Variants in SCHIP1 observed in about 807,000 individuals in gnomAD.
SCHIP1 encodes the protein schwannomin interacting protein 1, also known as schwannomin-interacting protein 1.
A neutral mutation model predicts 29.7 loss-of-function variants in SCHIP1; 8 were observed. The observed-to-expected ratio is 0.27, with a 90% CI of 0.16 to 0.49. The LOEUF (loss-of-function observed/expected upper bound fraction) is 0.49, where lower values mean the gene tolerates loss of function less well. Ranked by LOEUF, SCHIP1 falls within the 20% of genes least tolerant of loss-of-function variation. The pLI is 0.99. For synonymous variants in SCHIP1, 76 were observed against 94.9 expected (o/e 0.80, Z 1.16); for missense variants, 193 against 294.6 (o/e 0.66, Z 2.52).
chr3:159,594,249 T>C, the SCHIP1 span, among the ~76,000 whole-genome samples: 1 of 152,226 alleles, frequency 6.6e-6, no homozygotes, highest in African/African-American at 2.4e-5. Flanking sequence ...AGGCCAGCAT[T>C]GATGGCTGGG....
At chr3:159,375,503 G>A in the SCHIP1 span, among the ~76,000 whole-genome samples, 6 of 152,208 alleles carry the variant, frequency 3.9e-5, no homozygotes, top group African/African-American at 1.2e-4. Flanking sequence ...TTGGGAGGCC[G>A]AGGCAGGTGG....
chr3:159,505,170 A>T, the SCHIP1 span, among the ~76,000 whole-genome samples: 1 of 152,194 alleles, frequency 6.6e-6, no homozygotes, highest in Non-Finnish European at 1.5e-5. Flanking sequence ...CTGGTCATAA[A>T]GTTTCCTGTG....
At chr3:159,661,381 C>A in the SCHIP1 span, among the ~76,000 whole-genome samples, 3 of 152,128 alleles carry the variant, frequency 2.0e-5, no homozygotes, top group African/African-American at 7.2e-5. Flanking sequence ...ATGTATAGAC[C>A]ATTCCCAAAT....
the SCHIP1 span, among the ~76,000 whole-genome samples, chr3:159,718,121 G>C: frequency 6.6e-6 from 1 of 152,096 alleles, no homozygotes; most frequent in Non-Finnish European, 1.5e-5. Context: ...CAGAACCAAA[G>C]ACAAAAACCA....
At chr3:159,632,519 G>A in the SCHIP1 span, among the ~76,000 whole-genome samples, 1 of 152,168 alleles carries the variant, frequency 6.6e-6, no homozygotes, top group Admixed American at 6.5e-5. Context: ...GGGAAAGGAG[G>A]GAAGCTAATT....
the SCHIP1 span, among the ~76,000 whole-genome samples, chr3:159,478,831 G>C: frequency 6.8e-3 from 1,029 of 152,176 alleles, 10 homozygotes; most frequent in African/African-American, 0.023. Context: ...TTGTAAATGG[G>C]ATGGTGTTCT....
At chr3:159,896,792 A>G in exon 7 of SCHIP1, 1 of 1,599,810 alleles carries the variant, frequency 6.3e-7, no homozygotes, top group Non-Finnish European at 8.5e-7. Context: ...CCATTCAACC[A>G]GAGAACAAGC....
At chr3:159,874,376 A>G (rs542680732) in intron 2 of SCHIP1, among the ~76,000 whole-genome samples, 2 of 152,248 alleles carry the variant, frequency 1.3e-5, no homozygotes, top group Admixed American at 6.5e-5. Context: ...TAACTCAACC[A>G]TTCCAACATC....
At chr3:159,739,529 A>G in the SCHIP1 span, among the ~76,000 whole-genome samples, 1 of 152,232 alleles carries the variant, frequency 6.6e-6, no homozygotes, top group African/African-American at 2.4e-5. Flanking sequence ...CCTCTATTCT[A>G]TCTTTTTCTT....
intron 2 of SCHIP1, among the ~76,000 whole-genome samples, chr3:159,876,678 G>T (rs1715846380): frequency 6.6e-6 from 1 of 152,184 alleles, no homozygotes; most frequent in Admixed American, 6.5e-5. Flanking sequence ...TTTTATTTTA[G>T]TTATTGAAAG....
chr3:159,693,649 A>C, the SCHIP1 span, among the ~76,000 whole-genome samples: 1 of 152,188 alleles, frequency 6.6e-6, no homozygotes, highest in Non-Finnish European at 1.5e-5. Context: ...CCTGATTGTG[A>C]CTATAGGTAG....
chr3:159,836,442 G>T (rs148798405), upstream of SCHIP1, among the ~76,000 whole-genome samples: 2 of 152,244 alleles, frequency 1.3e-5, no homozygotes, highest in East Asian at 1.9e-4. Context: ...CATCATACTG[G>T]TGATTAGATT....
the SCHIP1 span, among the ~76,000 whole-genome samples, chr3:159,823,778 G>T: frequency 1.3e-5 from 2 of 152,056 alleles, no homozygotes; most frequent in African/African-American, 4.8e-5. Flanking sequence ...TGTGACCTCC[G>T]TAGGCTTTGA....
chr3:159,854,620 C>T (rs529116343), intron 1 of SCHIP1, among the ~76,000 whole-genome samples: 40 of 152,268 alleles, frequency 2.6e-4, no homozygotes, highest in African/African-American at 9.6e-4. Flanking sequence ...CCGCTTCTGC[C>T]GGAAGCGATG....
At chr3:159,716,100 A>G in the SCHIP1 span, among the ~76,000 whole-genome samples, 1 of 152,242 alleles carries the variant, frequency 6.6e-6, no homozygotes, top group Non-Finnish European at 1.5e-5. Context: ...AATATTCAAC[A>G]TTCTTAAAGA....
the SCHIP1 span, among the ~76,000 whole-genome samples, chr3:159,501,874 T>G: frequency 6.6e-6 from 1 of 152,138 alleles, no homozygotes; most frequent in Non-Finnish European, 1.5e-5. Flanking sequence ...GATACATGAG[T>G]TCCCATTTTA....
At chr3:159,823,432 C>T in the SCHIP1 span, among the ~76,000 whole-genome samples, 1 of 152,180 alleles carries the variant, frequency 6.6e-6, no homozygotes, top group African/African-American at 2.4e-5. Context: ...TTAAACTCAT[C>T]AACGACCTCA....
the SCHIP1 span, among the ~76,000 whole-genome samples, chr3:159,516,489 C>T: frequency 1.3e-5 from 2 of 152,140 alleles, no homozygotes; most frequent in Admixed American, 6.5e-5. Flanking sequence ...CTCCTTTCAT[C>T]ATTTCTCATG....
the SCHIP1 span, among the ~76,000 whole-genome samples, chr3:159,372,978 C>T: frequency 0.2 from 30,545 of 151,822 alleles, 4,337 homozygotes; most frequent in African/African-American, 0.4. Context: ...TAGATCATTA[C>T]TGTCAATAGA....
Sources: gnomAD v4.1 joint callset for allele counts (sites outside exome capture counted in the v4.1 genomes callset) on GRCh38, gnomAD v4.1.1 for gene constraint, MANE v1.5 for transcripts, NCBI Gene and HGNC (gene_info 2026-07-23, HGNC 2026-07-21) for gene names.